Variants in EPHB2 observed in about 807,000 individuals in gnomAD.
The protein encoded by EPHB2 is ephrin type-B receptor 2.
A neutral mutation model predicts 96.4 loss-of-function variants in EPHB2; 18 were observed. The observed-to-expected ratio is 0.19, with a 90% confidence interval of 0.13 to 0.28. The LOEUF is 0.28. Ranked by LOEUF, EPHB2 falls within the 10% of genes least tolerant of loss-of-function variation. The pLI is 1.00. For synonymous variants in EPHB2, 506 were observed against 534.1 expected (o/e 0.95, Z 0.72); for missense variants, 989 against 1,355.4 (o/e 0.73, Z 4.25).
chr1:22,783,170 G>T (rs1425907221), intron 2 of EPHB2, among the ~76,000 whole-genome samples: 1 of 152,164 alleles, frequency 6.6e-6, no homozygotes, highest in African/African-American at 2.4e-5. Context: ...AACAGCTCTG[G>T]GTCTGTGTGA....
intron 3 of EPHB2, among the ~76,000 whole-genome samples, chr1:22,810,129 G>A (rs2817876): frequency 6.6e-6 from 1 of 152,054 alleles, no homozygotes; most frequent in Non-Finnish European, 1.5e-5. Context: ...GGTAAGATCG[G>A]TGGGGTTGGG....
At chr1:22,854,469 A>C (rs1406924807) in intron 3 of EPHB2, among the ~76,000 whole-genome samples, 1 of 152,220 alleles carries the variant, frequency 6.6e-6, no homozygotes, top group Non-Finnish European at 1.5e-5. Context: ...CCGTGATTGC[A>C]CCACTGCACT....
At chr1:22,763,268 C>G (rs2148397135) in intron 1 of EPHB2, among the ~76,000 whole-genome samples, 1 of 152,308 alleles carries the variant, frequency 6.6e-6, no homozygotes, top group East Asian at 1.9e-4. Flanking sequence ...ATAATAGTTC[C>G]TGTCTCATTG....
chr1:22,765,533 A>C (rs113495032), intron 1 of EPHB2, among the ~76,000 whole-genome samples: 19,281 of 131,980 alleles, frequency 0.15, 1,356 homozygotes, highest in South Asian at 0.22. Context: ...GGTGACAGAG[A>C]GAGACCCTGT....
chr1:22,768,016 TCAC>T (rs1236131630), intron 1 of EPHB2, among the ~76,000 whole-genome samples: 1 of 151,840 alleles, frequency 6.6e-6, no homozygotes, highest in African/African-American at 2.4e-5. Flanking sequence ...GCCCAGGGAG[TCAC>T]ACTGAGCAGA....
At chr1:22,836,133 C>T (rs2148491973) in intron 3 of EPHB2, 1 of 152,370 alleles carries the variant, frequency 6.6e-6, no homozygotes, top group Non-Finnish European at 1.5e-5. Flanking sequence ...AGAGCAGCCT[C>T]TCCAGAGGGG....
At chr1:22,841,497 C>A (rs1399111964) in intron 3 of EPHB2, among the ~76,000 whole-genome samples, 1 of 152,190 alleles carries the variant, frequency 6.6e-6, no homozygotes, top group African/African-American at 2.4e-5. Flanking sequence ...CCATATATCC[C>A]TGGACAGAGA....
At chr1:22,892,630 T>C (rs1425434734) in intron 6 of EPHB2, among the ~76,000 whole-genome samples, 1 of 152,146 alleles carries the variant, frequency 6.6e-6, no homozygotes, top group Non-Finnish European at 1.5e-5. Context: ...AATGTTCCAG[T>C]GGCCAACACA....
intron 3 of EPHB2, among the ~76,000 whole-genome samples, chr1:22,796,113 C>T (rs1027370013): frequency 6.6e-6 from 1 of 152,236 alleles, no homozygotes; most frequent in African/African-American, 2.4e-5. Context: ...CCTGGAAATA[C>T]AGTGGTGAAC....
intron 1 of EPHB2, among the ~76,000 whole-genome samples, chr1:22,736,197 G>A (rs1643824046): frequency 6.6e-6 from 1 of 152,164 alleles, no homozygotes; most frequent in African/African-American, 2.4e-5. Flanking sequence ...ACACACGGGG[G>A]TCTACAGGAG....
chr1:22,881,360 T>G (rs772311807), intron 5 of EPHB2, among the ~76,000 whole-genome samples: 1 of 151,522 alleles, frequency 6.6e-6, no homozygotes, highest in Non-Finnish European at 1.5e-5. Context: ...ATCATGCCAC[T>G]GCACTCTAGC....
chr1:22,823,337 T>A (rs1346743583), intron 3 of EPHB2, among the ~76,000 whole-genome samples: 1 of 152,242 alleles, frequency 6.6e-6, no homozygotes, highest in East Asian at 1.9e-4. Context: ...AAGTCTGTAT[T>A]ATAATGTATA....
intron 6 of EPHB2, among the ~76,000 whole-genome samples, chr1:22,890,950 G>A (rs72655556): frequency 0.014 from 2,087 of 152,282 alleles, 18 homozygotes; most frequent in Non-Finnish European, 0.021. Flanking sequence ...AAATTACCTA[G>A]TCTTGGGTAT....
intron 1 of EPHB2, chr1:22,719,425 C>T (rs894216048): frequency 2.6e-5 from 4 of 154,274 alleles, no homozygotes; most frequent in Non-Finnish European, 5.9e-5. Flanking sequence ...TCTGGCGTTT[C>T]TGAAAAGTCA....
chr1:22,766,182 CAG>C (rs1644305749), intron 1 of EPHB2, among the ~76,000 whole-genome samples: 1 of 152,192 alleles, frequency 6.6e-6, no homozygotes, highest in Non-Finnish European at 1.5e-5. Context: ...AAATGGCACT[CAG>C]AGTCCCAGCA....
At chr1:22,881,697 C>T (rs557893551) in intron 5 of EPHB2, among the ~76,000 whole-genome samples, 5 of 152,186 alleles carry the variant, frequency 3.3e-5, no homozygotes, top group African/African-American at 9.6e-5. Flanking sequence ...CGCACTGAAG[C>T]GATTCTCCTG....
Position 22,914,048 on chromosome 1 carries a change from C to G in EPHB2, c.*478C>G, listed in dbSNP as rs1485000695. On this transcript the variant is annotated 3_prime_UTR_variant, in exon 16 of 16. Transcript: ENST00000374630. ...GTCCCTGCTGCTCCTCTAGGCCTCA[C>G]TCAACAACCAAGCGCCTGGAGGACG... 1.3e-6 allele frequency: 1 copy of G among 797,346 alleles called. No individual in the cohort carries two copies. The allele number at this position is 797,346 out of a possible 1,614,324, so 49.4% of individuals were successfully genotyped here.
At chr1:22,809,199 C>T (rs1257005057) in intron 3 of EPHB2, among the ~76,000 whole-genome samples, 1 of 152,236 alleles carries the variant, frequency 6.6e-6, no homozygotes, top group African/African-American at 2.4e-5. Context: ...GCTCAGTTTC[C>T]CAAGATGAGT....
chr1:22,713,810 G>A (rs562955998), intron 1 of EPHB2, among the ~76,000 whole-genome samples: 5 of 152,316 alleles, frequency 3.3e-5, no homozygotes, highest in East Asian at 3.9e-4. Flanking sequence ...TCCAGCCTTC[G>A]GAATGGGGGA....
Sources: gnomAD v4.1 joint callset for allele counts (sites outside exome capture counted in the v4.1 genomes callset) on GRCh38, gnomAD v4.1.1 for gene constraint, MANE v1.5 for transcripts, NCBI Gene and HGNC (gene_info 2026-07-23, HGNC 2026-07-21) for gene names.